Variants in DNMT1 observed in about 807,000 individuals in gnomAD.
DNMT1 encodes the protein DNA methyltransferase 1.
Under a neutral mutation model 205.3 loss-of-function variants are expected in DNMT1, and 24 were observed. The observed-to-expected ratio is 0.12, with a 90% CI of 0.08 to 0.16. The LOEUF (loss-of-function observed/expected upper bound fraction) is 0.16, where lower values mean the gene tolerates loss of function less well. Among genes scored for constraint, DNMT1 ranks in the 10% least tolerant of loss-of-function variants. The pLI is 1.00. For missense variants in DNMT1, 1,293 were observed against 2,177.7 expected, an observed-to-expected ratio of 0.59 and a Z score of 8.09; for synonymous variants, 817 against 839.8, an observed-to-expected ratio of 0.97 and a Z score of 0.47.
rs2089476566 is a variant in DNMT1 at position 10,136,110 on chromosome 19, T to C, written c.4656+11A>G. 3.7e-6 allele frequency: 6 copies of C among 1,613,838 alleles called. No homozygotes were observed. The highest frequency in any genetic ancestry group is 5.1e-6 in the Non-Finnish European group (6 of 1,180,006). The stretch of plus-strand genomic sequence containing the variant: ...CTGACCCAGGCCCTCGGATGCCCCC[T>C]CCCCACCTACCTGCTTGCCCATGGG... On this transcript the variant is annotated intron_variant, in intron 38 of 40. Coordinates refer to ENST00000359526, the MANE Select transcript of DNMT1 (RefSeq NM_001130823.3).
intron 1 of DNMT1, chr19:10,194,580 T>A: frequency 2.0e-6 from 1 of 488,096 alleles, no homozygotes. Flanking sequence ...CCACCCCGCC[T>A]AGTTTCTAGC....
chr19:10,153,339 CA>C (rs2038388211), intron 22 of DNMT1, among the ~76,000 whole-genome samples: 1 of 151,864 alleles, frequency 6.6e-6, no homozygotes, highest in Non-Finnish European at 1.5e-5. Flanking sequence ...CAAATAAAAA[CA>C]AATGATTTTA....
At chr19:10,148,399 G>A (rs2038252267) in intron 27 of DNMT1, among the ~76,000 whole-genome samples, 1 of 150,828 alleles carries the variant, frequency 6.6e-6, no homozygotes, top group South Asian at 2.1e-4. Context: ...AGGAGGCTGA[G>A]GCAGGAGAAT....
At chr19:10,172,745 G>A (rs1388892309) in intron 9 of DNMT1, among the ~76,000 whole-genome samples, 3 of 151,998 alleles carry the variant, frequency 2.0e-5, no homozygotes, top group Admixed American at 6.6e-5. Flanking sequence ...AACCTGGGAG[G>A]CAGAGGTTGC....
At chr19:10,135,893 A>G in intron 38 of DNMT1, 41 bp from the exon 39 acceptor site, 1 of 1,535,106 alleles carries the variant, frequency 6.5e-7, no homozygotes, top group Non-Finnish European at 8.7e-7. Flanking sequence ...AGTAGCACCC[A>G]GGCCGGGTCA....
At position 10,133,428 on chromosome 19, in the gene DNMT1, T is replaced by C. The variant is rs1599335322; in HGVS notation, c.*239A>G. 1 of 581,018 alleles carries C rather than the reference T, an allele frequency of 1.7e-6. No individual in the cohort carries two copies. Among genetic ancestry groups the C allele is most frequent in the East Asian group, 2.8e-5 (1 of 35,580 alleles). 36.0% of individuals were successfully genotyped at this position (581,018 alleles called of 1,614,324 possible). ...GTCTTAATTTCCACTCATACAGTGG[T>C]AGATTTGATATAATGCATAATAAAA... On this transcript the variant is annotated 3_prime_UTR_variant, in exon 41 of 41. Transcript: ENST00000359526. The surrounding 1 kb of genome is among the most constrained non-coding windows in gnomAD (Gnocchi z 4.1).
rs2038333853 is a variant in DNMT1, at chr19:10,151,109, A to G, written c.2265+289T>C. ...GATTCCATCTTAAACAAAACAAAAC[A>G]GAAAAACAAGCTATGAGGGCTCACC... On this transcript the variant is annotated intron_variant, in intron 24 of 40. Transcript: ENST00000359526. This position sits in a 1 kb window ranked among gnomAD's most constrained non-coding sequence, Gnocchi z 5.0. Among the ~76,000 whole-genome samples the G allele has an allele frequency of 6.6e-6, 1 of 152,154 alleles. No homozygotes were observed. Among genetic ancestry groups the G allele is most frequent in the Non-Finnish European group, 1.5e-5 (1 of 68,032 alleles).
chr19:10,134,288 G>A lies in DNMT1; in HGVS notation c.4793C>T (p.Pro1598Leu), dbSNP rs1248265917. ...KHRQVGNAVPPPLAKAIGLEI... is the reference protein window; with the variant it reads ...KHRQVGNAVPLPLAKAIGLEI... ...CAAGCCAATGGCTTTGGCCAGGGGC[G>A]GTGGCACGGCATTGCCCACCTGCAG... The change falls in exon 40 of 41, where the codon CCG becomes CTG. Residue 1598 changes from proline (P) to leucine (L), a missense_variant. Pro to Leu is a moderately conservative substitution (Grantham distance 98, BLOSUM62 -3). Around this residue, in one of 13 missense-constraint regions of DNMT1, gnomAD observed 1 missense variants for 20.8 expected, o/e 0.05. Coordinates refer to ENST00000359526, the MANE Select transcript of DNMT1 (RefSeq NM_001130823.3). 2.5e-6 allele frequency: 4 copies of A among 1,614,100 alleles called. No homozygotes were observed. The highest frequency in any genetic ancestry group is 2.2e-5 in the East Asian group (1 of 44,894).
rs1028184394 is a variant in DNMT1, at chr19:10,156,843, CTT to C, written c.1281-336_1281-335del. 6.6e-6 allele frequency among the ~76,000 whole-genome samples: 1 copy of C among 152,100 alleles called. No individual in the cohort carries two copies. The highest frequency in any genetic ancestry group is 1.5e-5 in the Non-Finnish European group (1 of 68,014). The stretch of plus-strand genomic sequence containing the variant: ...ATGTGTAGCAGGCTGGTCTCAAACT[CTT>C]TATCTCCAGTGATCTACCCACCTCA... On this transcript the variant is annotated intron_variant, in intron 17 of 40. Coordinates refer to ENST00000359526, the MANE Select transcript of DNMT1 (RefSeq NM_001130823.3). The surrounding 1 kb of genome is among the most constrained non-coding windows in gnomAD (Gnocchi z 4.2).
rs3079979 is a variant in DNMT1, at chr19:10,189,121, A to ATTT, written c.80+5696_80+5698dup. 5.4e-3 allele frequency among the ~76,000 whole-genome samples: 775 copies of ATTT among 143,660 alleles called. 12 individuals carry two copies. Among genetic ancestry groups the ATTT allele is most frequent in the African/African-American group, 0.017 (657 of 38,922 alleles). The allele number at this position is 143,660 out of a possible 152,430, so 94.2% of individuals were successfully genotyped here. On this transcript the variant is annotated intron_variant, in intron 1 of 40. Transcript: ENST00000359526. Reference sequence around the variant, plus strand: ...TTATGAATCGCTGAAGACTCAGATGATTTTTTTTTTTTTTTTGAGACGGAG... The same window carrying ATTT: ...TTATGAATCGCTGAAGACTCAGATGATTTTTTTTTTTTTTTTTTTGAGACGGAG...
At chr19:10,175,707 G>T in intron 6 of DNMT1, 89 bp from the exon 7 acceptor site, 2 of 1,242,814 alleles carry the variant, frequency 1.6e-6, no homozygotes, top group East Asian at 2.3e-5. Context: ...CCAGGATGTT[G>T]AAAGAGGCTT....
chr19:10,137,283 G>T lies in DNMT1; in HGVS notation c.4294-3C>A, dbSNP rs762360656. On this transcript the variant is annotated splice_region_variant and splice_polypyrimidine_tract_variant and intron_variant, in intron 36 of 40. Coordinates refer to ENST00000359526, the MANE Select transcript of DNMT1 (RefSeq NM_001130823.3). This position sits in a 1 kb window ranked among gnomAD's most constrained non-coding sequence, Gnocchi z 6.4. ...GCAGCCACCAATGCACTCATGTCCTGAAAGAGTGTGGGGGGCCCAGCTGTC... is the reference window on the plus strand; with the variant it reads ...GCAGCCACCAATGCACTCATGTCCTTAAAGAGTGTGGGGGGCCCAGCTGTC... The T allele has an allele frequency of 1.2e-6, 2 of 1,603,048 alleles. No homozygotes were observed. Among genetic ancestry groups the T allele is most frequent in the East Asian group, 2.2e-5 (1 of 44,548 alleles).
In DNMT1 at chr19:10,159,623, C is replaced by T. The variant is rs1393691668; in HGVS notation, c.1280+35G>A. The T allele has an allele frequency of 6.2e-7, 1 of 1,608,192 alleles. No homozygotes were observed. The highest frequency in any genetic ancestry group is 8.5e-7 in the Non-Finnish European group (1 of 1,174,898). The stretch of plus-strand genomic sequence containing the variant: ...GGCACCTCTGGGGATGTGCCTCCTT[C>T]CACGAAGCAAACATGCACACGAAAG... On this transcript the variant is annotated intron_variant, in intron 17 of 40. Transcript: ENST00000359526. This position sits in a 1 kb window ranked among gnomAD's most constrained non-coding sequence, Gnocchi z 5.0.
intron 27 of DNMT1, among the ~76,000 whole-genome samples, chr19:10,148,231 T>C (rs1040179005): frequency 6.6e-6 from 1 of 150,772 alleles, no homozygotes; most frequent in African/African-American, 2.4e-5. Flanking sequence ...GTGTGGTGGC[T>C]CACGCCTGTA....
chr19:10,161,363 A>G (rs890476105), intron 13 of DNMT1, among the ~76,000 whole-genome samples: 8 of 147,562 alleles, frequency 5.4e-5, no homozygotes, highest in African/African-American at 2.0e-4. Flanking sequence ...ATAAATAAAT[A>G]ACTGGCCAGG....
chr19:10,188,752 T>C (rs573401751), intron 1 of DNMT1, among the ~76,000 whole-genome samples: 1 of 152,252 alleles, frequency 6.6e-6, no homozygotes, highest in African/African-American at 2.4e-5. Context: ...GCGGGCAACG[T>C]TGGAGGACGG....
In DNMT1 at chr19:10,182,395, GTA is replaced by G. The variant is rs779267793; in HGVS notation, c.81-320_81-319del. Among the ~76,000 whole-genome samples the G allele has an allele frequency of 1.3e-4, 11 of 81,522 alleles. No homozygotes were observed. In the South Asian group the frequency reaches 2.9e-3, roughly 22 times the overall value. The allele number at this position is 81,522 out of a possible 152,430, so 53.5% of individuals were successfully genotyped here. A position where few individuals can be genotyped will look rare whatever the true frequency, so the allele number is the denominator to read the frequency against. ...TGTGTATATATATACATATATATGT[GTA>G]TATATATACATATATATGTGTATAT... is the stretch of plus-strand genomic sequence containing the variant. On this transcript the variant is annotated intron_variant, in intron 1 of 40. Coordinates refer to ENST00000359526, the MANE Select transcript of DNMT1 (RefSeq NM_001130823.3).
At chr19:10,150,785 A>G (rs1056622423) in intron 24 of DNMT1, among the ~76,000 whole-genome samples, 1 of 152,150 alleles carries the variant, frequency 6.6e-6, no homozygotes, top group Non-Finnish European at 1.5e-5. Flanking sequence ...GGGCTGTGAC[A>G]GCTCTCTTGG....
intron 39 of DNMT1, chr19:10,135,463 G>T (rs369461552): frequency 4.0e-6 from 2 of 501,870 alleles, no homozygotes; most frequent in South Asian, 2.0e-5. Context: ...CGCCACCATG[G>T]GTTTTAGCCT....
Sources: gnomAD v4.1 joint callset for allele counts (sites outside exome capture counted in the v4.1 genomes callset) on GRCh38, gnomAD v4.1.1 for gene constraint, gnomAD v4.1.1 regional missense constraint, Gnocchi (gnomAD v3.1) non-coding constraint, MANE v1.5 for transcripts, NCBI Gene and HGNC (gene_info 2026-07-23, HGNC 2026-07-21) for gene names.